Variants in MTF2 observed in about 807,000 individuals in gnomAD.
The protein encoded by MTF2 is metal response element binding transcription factor 2.
MTF2 carries 11 observed loss-of-function variants against 79.5 expected under a neutral mutation model. The ratio of observed to expected loss-of-function variants is 0.14; its 90% CI spans 0.09 to 0.23. The LOEUF (loss-of-function observed/expected upper bound fraction) is 0.23, where lower values mean the gene tolerates loss of function less well. Among genes scored for constraint, MTF2 ranks in the 10% least tolerant of loss-of-function variants. The pLI is 1.00. For synonymous variants in MTF2, 208 were observed against 232.8 expected (o/e 0.89, Z 0.97); for missense variants, 486 against 711.2 (o/e 0.68, Z 3.60).
chr1:93,127,364 A>G (rs548364832), intron 10 of MTF2, 65 bp downstream of exon 10: 17 of 1,044,844 alleles, frequency 1.6e-5, no homozygotes, highest in Middle Eastern at 2.2e-4. Flanking sequence ...GAATAATGGC[A>G]TTGTTTAAGA....
intron 3 of MTF2, among the ~76,000 whole-genome samples, chr1:93,112,555 G>A (rs1340447564): frequency 3.3e-5 from 5 of 152,092 alleles, no homozygotes; most frequent in African/African-American, 9.7e-5. Flanking sequence ...TGGTGGTTTA[G>A]CATTTGCATT....
At chr1:93,119,953 T>A (rs898558635) in intron 8 of MTF2, 2 of 152,352 alleles carry the variant, frequency 1.3e-5, no homozygotes, top group Non-Finnish European at 2.9e-5. Context: ...TAAGTTATAT[T>A]TTTTTAAAGC....
chr1:93,114,900 G>A (rs1330943656), intron 4 of MTF2, 88 bp from the exon 5 acceptor site: 3 of 1,217,350 alleles, frequency 2.5e-6, no homozygotes, highest in East Asian at 2.5e-5. Flanking sequence ...TTATATTAAT[G>A]TAGGAAATAA....
intron 1 of MTF2, among the ~76,000 whole-genome samples, chr1:93,097,298 T>G (rs1655330940): frequency 6.6e-6 from 1 of 152,216 alleles, no homozygotes; most frequent in Non-Finnish European, 1.5e-5. Context: ...CTTTCTTGGA[T>G]GAAAGAGATA....
rs1656354077 is a variant in MTF2, at chr1:93,118,807, CTT to C, written c.728+368_728+369del. Among the ~76,000 whole-genome samples, 4 of 152,290 alleles carry C rather than the reference CTT, an allele frequency of 2.6e-5. No individual in the cohort carries two copies. In the South Asian group the frequency reaches 8.3e-4, roughly 32 times the overall value. ...GATATGAAAAATTTGTAAAAGCAGA[CTT>C]AATGTACTTTCTATATTAGAAGAAT... On this transcript the variant is annotated intron_variant, in intron 7 of 14. Coordinates refer to ENST00000370298, the MANE Select transcript of MTF2 (RefSeq NM_007358.4).
At chr1:93,086,496 CAAAAAA>C (rs10648696) in intron 1 of MTF2, among the ~76,000 whole-genome samples, 15 of 97,834 alleles carry the variant, frequency 1.5e-4, no homozygotes, top group African/African-American at 5.3e-4. Context: ...GAGACTGTCT[CAAAAAA>C]AAAAAAAAAA....
chr1:93,135,001 G>A (rs1455620464), intron 14 of MTF2, among the ~76,000 whole-genome samples: 7 of 151,708 alleles, frequency 4.6e-5, no homozygotes, highest in Admixed American at 4.6e-4. Flanking sequence ...ATGGAGTCTC[G>A]CTCTGTCACC....
intron 11 of MTF2, among the ~76,000 whole-genome samples, chr1:93,132,768 G>A (rs1656970807): frequency 6.6e-6 from 1 of 151,804 alleles, no homozygotes; most frequent in Non-Finnish European, 1.5e-5. Flanking sequence ...CTATTGTATA[G>A]TGTTCTTTTT....
chr1:93,120,491 A>AT (rs1022474494), intron 8 of MTF2, 58 bp from the exon 9 acceptor site: 10 of 1,477,238 alleles, frequency 6.8e-6, no homozygotes, highest in African/African-American at 4.4e-5. Flanking sequence ...GGAAACCGTG[A>AT]TTTTTTAACA....
intron 9 of MTF2, chr1:93,121,048 T>C (rs1656457253): frequency 1.0e-6 from 1 of 978,496 alleles, no homozygotes; most frequent in African/African-American, 1.7e-5. Context: ...ACCAACATTC[T>C]TCCTTCCTCT....
intron 1 of MTF2, among the ~76,000 whole-genome samples, chr1:93,094,409 T>G (rs1267469726): frequency 6.6e-6 from 1 of 152,186 alleles, no homozygotes. Context: ...TATTTTTTCT[T>G]TGTAGTCTTA....
chr1:93,135,530 T>G (rs759407939), intron 14 of MTF2, among the ~76,000 whole-genome samples: 114 of 152,238 alleles, frequency 7.5e-4, no homozygotes, highest in Non-Finnish European at 3.1e-4. Flanking sequence ...ATTGTCTTAT[T>G]TAATTCTTAA....
chr1:93,121,053 TC>T, intron 9 of MTF2: 1 of 978,238 alleles, frequency 1.0e-6, no homozygotes, highest in Non-Finnish European at 1.2e-6. Context: ...CATTCTTCCT[TC>T]CTCTCTTGTT....
chr1:93,107,414 G>A (rs189870786), intron 1 of MTF2, among the ~76,000 whole-genome samples: 99 of 152,140 alleles, frequency 6.5e-4, no homozygotes, highest in South Asian at 6.0e-3. Flanking sequence ...AGTAGAGATG[G>A]GGGGTTTTGC....
intron 3 of MTF2, 32 bp downstream of exon 3, chr1:93,110,658 T>A: frequency 6.6e-7 from 1 of 1,520,676 alleles, no homozygotes; most frequent in Non-Finnish European, 9.1e-7. Flanking sequence ...GAACATGATT[T>A]AAATTAAAAT....
chr1:93,079,319 G>T lies in MTF2; in HGVS notation c.-208G>T. 1.6e-6 allele frequency: 1 copy of T among 615,164 alleles called. No homozygotes were observed. The highest frequency in any genetic ancestry group is 2.9e-6 in the Non-Finnish European group (1 of 344,986). The allele number at this position is 615,164 out of a possible 1,614,324, so 38.1% of individuals were successfully genotyped here. ...AACCAAAATGGCGAGGGGCTGTATT[G>T]AAGTGGGCTGTGTTTGAGGCCGGTG... On this transcript the variant is annotated 5_prime_UTR_variant, in exon 1 of 15. It introduces an in-frame stop codon into an upstream open reading frame of the 5' UTR. Transcript: ENST00000370298.
At chr1:93,106,096 A>G (rs1655771450) in intron 1 of MTF2, among the ~76,000 whole-genome samples, 1 of 152,186 alleles carries the variant, frequency 6.6e-6, no homozygotes, top group African/African-American at 2.4e-5. Context: ...GGCATAAGGA[A>G]TCAAGGGTAA....
intron 1 of MTF2, among the ~76,000 whole-genome samples, chr1:93,082,509 T>G (rs867495346): frequency 2.6e-5 from 4 of 152,224 alleles, no homozygotes; most frequent in Non-Finnish European, 2.9e-5. Flanking sequence ...AGGCTGGTCA[T>G]GAACTTTTGG....
chr1:93,082,081 T>C (rs1654628192), intron 1 of MTF2, among the ~76,000 whole-genome samples: 1 of 152,238 alleles, frequency 6.6e-6, no homozygotes, highest in South Asian at 2.1e-4. Context: ...TGAAAGATAG[T>C]GACCTCTCTA....
Sources: allele counts gnomAD v4.1 joint callset (sites outside exome capture counted in the v4.1 genomes callset), GRCh38; gene constraint gnomAD v4.1.1; transcripts MANE v1.5; gene names NCBI Gene and HGNC (gene_info 2026-07-23, HGNC 2026-07-21).